Variants in INSL6 observed in about 807,000 individuals in gnomAD.
INSL6 encodes insulin-like peptide INSL6.
Under a neutral mutation model 9.4 loss-of-function variants are expected in INSL6, and 16 were observed. The observed-to-expected ratio is 1.70, with a 90% CI of 1.15 to 2.59. The LOEUF (loss-of-function observed/expected upper bound fraction) is 2.59, where lower values mean the gene tolerates loss of function less well. INSL6 is among the 30% of genes most tolerant of loss of function. The pLI, the probability that INSL6 is intolerant of heterozygous loss-of-function variation, is 0.00. For missense variants in INSL6, 391 were observed against 257.3 expected (o/e 1.52, Z -3.56); for synonymous variants, 154 against 96.9 (o/e 1.59, Z -3.46).
the INSL6 span, among the ~76,000 whole-genome samples, chr9:5,019,081 T>C: frequency 3.9e-5 from 6 of 152,198 alleles, no homozygotes; most frequent in Non-Finnish European, 8.8e-5. Flanking sequence ...AGCTTCTGTA[T>C]CTGAATGTCT....
chr9:5,132,521 C>A (rs990822081), intron 3 of INSL6, among the ~76,000 whole-genome samples: 1 of 151,276 alleles, frequency 6.6e-6, no homozygotes, highest in African/African-American at 2.4e-5. Flanking sequence ...GTTTAACAAT[C>A]AGATTCTTAG....
chr9:5,120,659 T>C (rs1446178565), downstream of INSL6, among the ~76,000 whole-genome samples: 1 of 152,180 alleles, frequency 6.6e-6, no homozygotes, highest in Admixed American at 6.6e-5. Context: ...TACATTATTC[T>C]TCACCTTGTG....
chr9:5,049,329 T>C, the INSL6 span, among the ~76,000 whole-genome samples: 3 of 152,236 alleles, frequency 2.0e-5, no homozygotes, highest in Admixed American at 6.5e-5. Flanking sequence ...CTTACTTTTC[T>C]AAGTTTTAAT....
chr9:5,023,010 C>G, the INSL6 span, among the ~76,000 whole-genome samples: 2 of 152,188 alleles, frequency 1.3e-5, no homozygotes, highest in Non-Finnish European at 2.9e-5. Flanking sequence ...TTGGAGGAAG[C>G]TAGGTACATT....
At chr9:5,076,473 A>G in the INSL6 span, among the ~76,000 whole-genome samples, 1 of 152,190 alleles carries the variant, frequency 6.6e-6, no homozygotes, top group Non-Finnish European at 1.5e-5. Flanking sequence ...GAAGGCTCAG[A>G]TTATCATTAG....
chr9:5,072,707 T>C, the INSL6 span: 3 of 1,063,228 alleles, frequency 2.8e-6, no homozygotes, highest in African/African-American at 4.9e-5. Context: ...TACTCATGTG[T>C]GCAGCTTTTC....
intron 2 of INSL6, among the ~76,000 whole-genome samples, chr9:5,155,283 C>A (rs914818310): frequency 7.1e-6 from 1 of 140,494 alleles, no homozygotes; most frequent in African/African-American, 2.7e-5. Context: ...AATGAGAACA[C>A]ATGGACATTG....
intron 2 of INSL6, among the ~76,000 whole-genome samples, chr9:5,143,268 T>A (rs1824538600): frequency 6.6e-6 from 1 of 151,922 alleles, no homozygotes; most frequent in African/African-American, 2.4e-5. Context: ...GTAGGAATGG[T>A]ACCAGCTCTT....
the INSL6 span, among the ~76,000 whole-genome samples, chr9:5,023,266 T>C: frequency 1.3e-5 from 2 of 152,360 alleles, no homozygotes; most frequent in East Asian, 3.9e-4. Context: ...TATTTGTCTT[T>C]CAGTTCCTGG....
At chr9:5,175,719 C>T (rs907795843) in intron 1 of INSL6, among the ~76,000 whole-genome samples, 7 of 152,092 alleles carry the variant, frequency 4.6e-5, no homozygotes, top group African/African-American at 1.4e-4. Context: ...AGTGTGAACC[C>T]TATTGTGAAC....
the INSL6 span, among the ~76,000 whole-genome samples, chr9:4,992,228 C>T: frequency 7.2e-5 from 11 of 152,180 alleles, no homozygotes; most frequent in African/African-American, 2.4e-4. Flanking sequence ...GGAGCATGTA[C>T]ATGTGGCCTG....
the INSL6 span, chr9:5,100,328 G>A: frequency 1.3e-5 from 2 of 152,090 alleles, no homozygotes; most frequent in Non-Finnish European, 2.9e-5. Flanking sequence ...CATCTGGCCT[G>A]GCCATGTGAT....
At chr9:5,168,666 T>A (rs796641454) in intron 1 of INSL6, among the ~76,000 whole-genome samples, 3 of 151,770 alleles carry the variant, frequency 2.0e-5, no homozygotes, top group African/African-American at 7.3e-5. Flanking sequence ...CTACAGTATA[T>A]CATCCAGGAG....
At chr9:5,085,747 G>C in the INSL6 span, 1 of 754,508 alleles carries the variant, frequency 1.3e-6, no homozygotes, top group Admixed American at 1.7e-5. Flanking sequence ...GTGGCGCGCT[G>C]GCTAGCTTGC....
the INSL6 span, among the ~76,000 whole-genome samples, chr9:5,007,687 C>A: frequency 6.6e-6 from 1 of 151,318 alleles, no homozygotes; most frequent in Non-Finnish European, 1.5e-5. Context: ...ACTTTTGCAC[C>A]AGTCTAATAA....
the INSL6 span, among the ~76,000 whole-genome samples, chr9:5,102,732 C>T: frequency 6.6e-6 from 1 of 152,222 alleles, no homozygotes; most frequent in African/African-American, 2.4e-5. Flanking sequence ...GAGTGGAGGC[C>T]AATATTCAAC....
intron 1 of INSL6, among the ~76,000 whole-genome samples, chr9:5,178,255 G>T (rs1586879642): frequency 6.6e-6 from 1 of 151,432 alleles, no homozygotes. Flanking sequence ...CTCCAGCCAG[G>T]GTTACAGGGA....
intron 2 of INSL6, among the ~76,000 whole-genome samples, chr9:5,154,970 A>T (rs1407338763): frequency 2.0e-5 from 3 of 152,094 alleles, no homozygotes; most frequent in Non-Finnish European, 4.4e-5. Flanking sequence ...CCATCCCATT[A>T]CTGGGTATAT....
At chr9:4,998,283 G>T in the INSL6 span, among the ~76,000 whole-genome samples, 1 of 152,096 alleles carries the variant, frequency 6.6e-6, no homozygotes, top group Non-Finnish European at 1.5e-5. Context: ...TTGAGATGGA[G>T]TCTTGCTCTG....
Sources: gnomAD v4.1 joint callset for allele counts (sites outside exome capture counted in the v4.1 genomes callset) on GRCh38, gnomAD v4.1.1 for gene constraint, MANE v1.5 for transcripts, NCBI Gene and HGNC (gene_info 2026-07-23, HGNC 2026-07-21) for gene names.